Variants in TENM1 observed in about 807,000 individuals in gnomAD.
The protein encoded by TENM1 is teneurin-1.
In TENM1, 35 loss-of-function variants were observed where a neutral mutation model predicts 174.8. The ratio of observed to expected loss-of-function variants is 0.20; its 90% CI spans 0.15 to 0.27. The LOEUF is 0.27. TENM1 is among the 10% of genes least tolerant of loss of function. TENM1 has a pLI of 1.00. For synonymous variants in TENM1, 781 were observed against 798.7 expected, an observed-to-expected ratio of 0.98 and a Z score of 0.37; for missense variants, 1,633 against 2,130.1, an observed-to-expected ratio of 0.77 and a Z score of 4.59.
At chrX:124,476,928 CT>C (rs2046738782) in intron 22 of TENM1, among the ~76,000 whole-genome samples, 1 of 112,434 alleles carries the variant, frequency 8.9e-6, no homozygotes, top group African/African-American at 3.2e-5. Flanking sequence ...CTTTTCGAAA[CT>C]TTTTTTCTTT....
chrX:124,820,631 C>T (rs2056018595), intron 3 of TENM1, among the ~76,000 whole-genome samples: 1 of 112,341 alleles, frequency 8.9e-6, no homozygotes, highest in African/African-American at 3.2e-5. Context: ...TGCATTCTCT[C>T]AATGTAAGTA....
the TENM1 span, among the ~76,000 whole-genome samples, chrX:125,163,644 A>C: frequency 8.9e-6 from 1 of 111,798 alleles, no homozygotes; most frequent in Admixed American, 9.5e-5. Context: ...GTTTCCTAAC[A>C]ATAGTCATGT....
At position 124,957,180 on chromosome X, in the gene TENM1, C is replaced by A. The variant is rs1167315621; in HGVS notation, c.217+6357G>T. On this transcript the variant is annotated intron_variant, in intron 1 of 31. Coordinates refer to ENST00000422452, the Ensembl canonical transcript of TENM1. ...GCTGATGCATAAGTGTATAAATGAA[C>A]AAATGGACGGATGGATAGATGGATG... is the stretch of plus-strand genomic sequence containing the variant. 2.8e-5 allele frequency among the ~76,000 whole-genome samples: 3 copies of A among 106,665 alleles called. No homozygotes were observed. The East Asian group carries it at 8.6e-4, about 31-fold the overall frequency. The allele number at this position is 106,665 out of a possible 115,157, so 92.6% of individuals were successfully genotyped here.
At chrX:124,946,628 C>A (rs1166051881) in intron 1 of TENM1, among the ~76,000 whole-genome samples, 1 of 111,543 alleles carries the variant, frequency 9.0e-6, no homozygotes, top group South Asian at 3.8e-4. Flanking sequence ...GTGTCAAATG[C>A]TGCTGAAAGG....
intron 20 of TENM1, among the ~76,000 whole-genome samples, chrX:124,491,627 AAAT>A (rs71892207): frequency 0.043 from 4,833 of 111,672 alleles, 260 homozygotes; most frequent in African/African-American, 0.15. Flanking sequence ...AAATAATAAG[AAAT>A]AATATTGTTT....
chrX:124,660,311 G>A (rs1226834503), intron 6 of TENM1, among the ~76,000 whole-genome samples: 1 of 106,742 alleles, frequency 9.4e-6, no homozygotes, highest in Non-Finnish European at 1.9e-5. Context: ...GGAGGCAGAG[G>A]TTGCAGTGAG....
At chrX:125,180,860 T>A in the TENM1 span, among the ~76,000 whole-genome samples, 1 of 111,968 alleles carries the variant, frequency 8.9e-6, no homozygotes, top group Admixed American at 9.5e-5. Flanking sequence ...CTTATTCTTT[T>A]GCTTAGAACA....
At chrX:124,792,216 T>C (rs1251563028) in intron 3 of TENM1, among the ~76,000 whole-genome samples, 1 of 111,949 alleles carries the variant, frequency 8.9e-6, no homozygotes, top group Non-Finnish European at 1.9e-5. Context: ...AATAAATTCA[T>C]TTTCTTTTCC....
the TENM1 span, among the ~76,000 whole-genome samples, chrX:125,086,404 T>C: frequency 2.7e-5 from 3 of 110,767 alleles, no homozygotes; most frequent in Non-Finnish European, 5.7e-5. Flanking sequence ...TATAATCAAC[T>C]AAACAGAAAA....
chrX:125,014,752 AG>A, the TENM1 span, among the ~76,000 whole-genome samples: 1 of 111,588 alleles, frequency 9.0e-6, no homozygotes, highest in Non-Finnish European at 1.9e-5. Context: ...AAATCTTTAG[AG>A]TAGTGTTATA....
intron 15 of TENM1, among the ~76,000 whole-genome samples, chrX:124,536,269 C>T (rs1348041160): frequency 9.0e-6 from 1 of 111,010 alleles, no homozygotes; most frequent in Non-Finnish European, 1.9e-5. Context: ...AATTCAAATG[C>T]AGTGAATGCT....
intron 25 of TENM1, among the ~76,000 whole-genome samples, chrX:124,416,032 T>TTACAG (rs1490163280): frequency 9.0e-6 from 1 of 111,660 alleles, no homozygotes; most frequent in Non-Finnish European, 1.9e-5. Context: ...GCAAAACTCC[T>TTACAG]CAAAAGAGTT....
intron 23 of TENM1, among the ~76,000 whole-genome samples, chrX:124,443,044 ATGTGTGTGTGTG>A (rs59365041): frequency 0.019 from 961 of 51,901 alleles, 23 homozygotes; most frequent in African/African-American, 0.056. Flanking sequence ...CTGGATGACT[ATGTGTGTGTGTG>A]TGTGTGTGTG....
the TENM1 span, among the ~76,000 whole-genome samples, chrX:125,039,072 C>T: frequency 5.4e-5 from 6 of 111,406 alleles, no homozygotes; most frequent in African/African-American, 1.9e-4. Flanking sequence ...AACCAAGGTT[C>T]TACTCTTTCC....
chrX:124,839,362 T>C (rs2056453777), intron 3 of TENM1, among the ~76,000 whole-genome samples: 1 of 111,798 alleles, frequency 8.9e-6, no homozygotes, highest in Admixed American at 9.5e-5. Flanking sequence ...AAGTTTTACC[T>C]AGGTCTTTTA....
chrX:124,535,001 A>G (rs1293500897), intron 15 of TENM1, among the ~76,000 whole-genome samples: 1 of 112,032 alleles, frequency 8.9e-6, no homozygotes, highest in Non-Finnish European at 1.9e-5. Flanking sequence ...CACTGCCATC[A>G]CATAGTGAAT....
chrX:124,866,954 C>T (rs2057020105), intron 3 of TENM1, among the ~76,000 whole-genome samples: 1 of 110,875 alleles, frequency 9.0e-6, no homozygotes, highest in South Asian at 3.7e-4. Context: ...AGGAAAAAAT[C>T]CAAAACCTAA....
chrX:124,942,002 T>C (rs1031298295), intron 1 of TENM1, among the ~76,000 whole-genome samples: 4 of 111,419 alleles, frequency 3.6e-5, no homozygotes, highest in Non-Finnish European at 7.5e-5. Flanking sequence ...ATGAGAATAG[T>C]ACGGGAGAAA....
intron 18 of TENM1, among the ~76,000 whole-genome samples, chrX:124,509,026 T>G (rs1049615518): frequency 5.4e-5 from 6 of 110,369 alleles, no homozygotes; most frequent in Non-Finnish European, 1.1e-4. Flanking sequence ...CTCCCCCCAG[T>G]GGAGGTTATA....
Sources: gnomAD v4.1 joint callset for allele counts (sites outside exome capture counted in the v4.1 genomes callset) on GRCh38, gnomAD v4.1.1 for gene constraint, MANE v1.5 for transcripts, NCBI Gene and HGNC (gene_info 2026-07-23, HGNC 2026-07-21) for gene names.